The following BANK1 variants were observed in gnomAD, a reference collection of about 807,000 sequenced individuals.
BANK1 encodes the protein B cell scaffold protein with ankyrin repeats 1.
Under a neutral mutation model 94.5 loss-of-function variants are expected in BANK1, and 95 were observed. The ratio of observed to expected loss-of-function variants is 1.00; its 90% CI spans 0.85 to 1.19. BANK1 has a LOEUF of 1.19. BANK1 is among the 50% of genes most tolerant of loss of function. The pLI is 0.00. For synonymous variants in BANK1, 334 were observed against 308.4 expected (o/e 1.08, Z -0.87); for missense variants, 987 against 932.2 (o/e 1.06, Z -0.77).
At chr4:102,066,410 C>G (rs1298048206) in intron 13 of BANK1, among the ~76,000 whole-genome samples, 1 of 152,124 alleles carries the variant, frequency 6.6e-6, no homozygotes, top group Non-Finnish European at 1.5e-5. Context: ...GCACCCGCCA[C>G]TACGCCCGGC....
intron 10 of BANK1, among the ~76,000 whole-genome samples, chr4:102,042,574 C>A (rs1727736605): frequency 6.6e-6 from 1 of 151,984 alleles, no homozygotes; most frequent in South Asian, 2.1e-4. Context: ...TAAAAAACGT[C>A]TCCGGGGTTA....
chr4:101,829,163 G>A (rs766258458), intron 1 of BANK1, among the ~76,000 whole-genome samples: 1 of 152,026 alleles, frequency 6.6e-6, no homozygotes, highest in African/African-American at 2.4e-5. Flanking sequence ...CGCCGGGCAA[G>A]ATCTGTTTTC....
rs1014133982 is a variant in BANK1, at chr4:101,818,184, G to A, written c.71-11624G>A. ...AGATGTTATTATGACATGGGGCATA[G>A]CCTTGAGGTAAGTCAGGGAAAGGTT... On this transcript the variant is annotated intron_variant, in intron 1 of 16. Coordinates refer to ENST00000322953, the MANE Select transcript of BANK1 (RefSeq NM_017935.5). 6.6e-5 allele frequency among the ~76,000 whole-genome samples: 10 copies of A among 152,166 alleles called. No individual in the cohort carries two copies. The South Asian group carries it at 1.2e-3, about 19-fold the overall frequency.
chr4:101,793,522 A>C (rs1725061968), intron 1 of BANK1, among the ~76,000 whole-genome samples: 1 of 152,192 alleles, frequency 6.6e-6, no homozygotes, highest in Non-Finnish European at 1.5e-5. Context: ...ATTCAAAGTT[A>C]CACTTGGGAC....
chr4:101,905,929 A>ATT (rs1370500678), intron 6 of BANK1, among the ~76,000 whole-genome samples: 2 of 152,082 alleles, frequency 1.3e-5, no homozygotes, highest in African/African-American at 4.8e-5. Context: ...AAGGAAGGGT[A>ATT]TTGTTCCCCA....
intron 5 of BANK1, among the ~76,000 whole-genome samples, chr4:101,887,553 T>G (rs953311074): frequency 6.6e-6 from 1 of 152,194 alleles, no homozygotes; most frequent in African/African-American, 2.4e-5. Context: ...ATATTTACAT[T>G]TAAACTTCTA....
chr4:101,955,245 A>G (rs75568221), intron 7 of BANK1, among the ~76,000 whole-genome samples: 1,719 of 152,278 alleles, frequency 0.011, 31 homozygotes, highest in African/African-American at 0.039. Flanking sequence ...GGGAATATAT[A>G]TCTTTCTGGC....
chr4:101,819,032 C>A (rs1423597480), intron 1 of BANK1, among the ~76,000 whole-genome samples: 2 of 151,918 alleles, frequency 1.3e-5, no homozygotes, highest in Admixed American at 1.3e-4. Flanking sequence ...ATAAAAAATA[C>A]CCACAGGATA....
chr4:101,869,844 T>C (rs1728217431), intron 4 of BANK1, among the ~76,000 whole-genome samples: 2 of 151,980 alleles, frequency 1.3e-5, no homozygotes, highest in African/African-American at 2.4e-5. Flanking sequence ...TTGATATTCT[T>C]TCATAGAAAG....
At chr4:102,056,012 T>C (rs1205310248) in intron 11 of BANK1, among the ~76,000 whole-genome samples, 1 of 152,118 alleles carries the variant, frequency 6.6e-6, no homozygotes, top group African/African-American at 2.4e-5. Flanking sequence ...ACTTACTCAA[T>C]GCTCTAAGCT....
intron 6 of BANK1, among the ~76,000 whole-genome samples, chr4:101,895,959 T>C (rs1362003455): frequency 1.3e-5 from 2 of 151,846 alleles, no homozygotes; most frequent in Non-Finnish European, 2.9e-5. Context: ...ATATATAAAT[T>C]GATGGTCTGG....
intron 12 of BANK1, 63 bp downstream of exon 12, chr4:102,060,452 G>T: frequency 6.6e-7 from 1 of 1,526,006 alleles, no homozygotes. Context: ...GTTTGTTAAT[G>T]TTTAATTTTC....
intron 13 of BANK1, among the ~76,000 whole-genome samples, chr4:102,063,418 A>G (rs1322182295): frequency 6.6e-6 from 1 of 151,976 alleles, no homozygotes; most frequent in African/African-American, 2.4e-5. Context: ...AGAGAATATG[A>G]TAAGTATTTT....
At chr4:102,014,599 C>T (rs1217039216) in intron 7 of BANK1, among the ~76,000 whole-genome samples, 2 of 152,066 alleles carry the variant, frequency 1.3e-5, no homozygotes, top group African/African-American at 2.4e-5. Context: ...ATAATTTCTT[C>T]GTGGTTGTCA....
At chr4:101,848,799 G>A (rs962137465) in intron 2 of BANK1, among the ~76,000 whole-genome samples, 11 of 152,166 alleles carry the variant, frequency 7.2e-5, no homozygotes, top group Admixed American at 7.2e-4. Context: ...TTTTTGCAAT[G>A]GCAAGGGTCT....
chr4:101,982,995 A>G (rs1047313664), intron 7 of BANK1, among the ~76,000 whole-genome samples: 1 of 151,970 alleles, frequency 6.6e-6, no homozygotes, highest in Non-Finnish European at 1.5e-5. Flanking sequence ...TTCTGATAAC[A>G]ATTTTTAAAG....
chr4:102,029,750 A>G (rs1265965564), intron 9 of BANK1, among the ~76,000 whole-genome samples: 1 of 151,980 alleles, frequency 6.6e-6, no homozygotes, highest in Non-Finnish European at 1.5e-5. Flanking sequence ...AAAGTGCAGG[A>G]TGATTTATTA....
intron 2 of BANK1, among the ~76,000 whole-genome samples, chr4:101,844,376 G>C (rs1727169317): frequency 6.6e-6 from 1 of 152,156 alleles, no homozygotes; most frequent in Non-Finnish European, 1.5e-5. Context: ...GAAAGATTGT[G>C]GTTTCAGGAA....
At chr4:101,983,484 TG>T (rs958133369) in intron 7 of BANK1, among the ~76,000 whole-genome samples, 6 of 152,068 alleles carry the variant, frequency 3.9e-5, no homozygotes, top group African/African-American at 1.4e-4. Context: ...CAAAACAAAC[TG>T]TTGTGAGGAT....
Sources: allele counts gnomAD v4.1 joint callset (sites outside exome capture counted in the v4.1 genomes callset), GRCh38; gene constraint gnomAD v4.1.1; transcripts MANE v1.5; gene names NCBI Gene and HGNC (gene_info 2026-07-23, HGNC 2026-07-21).